The following ACOXL variants were observed in gnomAD, a reference collection of about 807,000 sequenced individuals.
The protein encoded by ACOXL is acyl-coenzyme A oxidase-like protein.
ACOXL carries 70 observed loss-of-function variants against 71.9 expected under a neutral mutation model. That is an observed-to-expected ratio of 0.97 (90% CI 0.80 to 1.19). The LOEUF (loss-of-function observed/expected upper bound fraction) is 1.19. Among genes scored for constraint, ACOXL ranks in the 50% most tolerant of loss-of-function variants. The pLI is 0.00. For missense variants in ACOXL, 703 were observed against 736.3 expected (o/e 0.95, Z 0.52); for synonymous variants, 253 against 281.6 (o/e 0.90, Z 1.02).
At chr2:110,800,927 C>G (rs1007910962) in intron 7 of ACOXL, among the ~76,000 whole-genome samples, 1 of 152,212 alleles carries the variant, frequency 6.6e-6, no homozygotes, top group African/African-American at 2.4e-5. Context: ...GGCAGAAAGT[C>G]TGCTCTGGTG....
intron 2 of ACOXL, among the ~76,000 whole-genome samples, chr2:110,770,779 C>T (rs1355372560): frequency 3.3e-5 from 5 of 152,230 alleles, no homozygotes; most frequent in Non-Finnish European, 7.3e-5. Flanking sequence ...AAATCTTGGC[C>T]TGTGGCCAGC....
intron 1 of ACOXL, among the ~76,000 whole-genome samples, chr2:110,742,782 A>G (rs1183577113): frequency 3.9e-5 from 6 of 152,238 alleles, no homozygotes; most frequent in African/African-American, 1.2e-4. Flanking sequence ...CTGAAACTGT[A>G]GATCTACTAG....
At chr2:111,012,778 A>G (rs1185033884) in intron 14 of ACOXL, among the ~76,000 whole-genome samples, 1 of 152,196 alleles carries the variant, frequency 6.6e-6, no homozygotes, top group Non-Finnish European at 1.5e-5. Context: ...CAACATACTA[A>G]ATTTTGTGAG....
intron 14 of ACOXL, among the ~76,000 whole-genome samples, chr2:111,025,048 T>C (rs1050048423): frequency 1.3e-5 from 2 of 152,062 alleles, no homozygotes; most frequent in African/African-American, 4.8e-5. Context: ...CAAAGTTCCT[T>C]TGTGCAACTT....
intron 14 of ACOXL, among the ~76,000 whole-genome samples, chr2:111,003,913 A>C (rs1036397837): frequency 4.6e-5 from 7 of 152,204 alleles, no homozygotes; most frequent in African/African-American, 1.7e-4. Context: ...AAAATAAAAG[A>C]TATGATAAAT....
chr2:110,908,736 T>C (rs2059546537), intron 10 of ACOXL, 53 bp from the exon 11 acceptor site: 6 of 1,410,484 alleles, frequency 4.3e-6, no homozygotes, highest in South Asian at 3.5e-5. Context: ...GGAAATGAAG[T>C]TACCTCCCGC....
chr2:110,793,289 G>A (rs547891293), intron 3 of ACOXL, among the ~76,000 whole-genome samples: 3 of 152,268 alleles, frequency 2.0e-5, no homozygotes, highest in African/African-American at 7.2e-5. Context: ...GGTCAGCATC[G>A]AGGGTCATTG....
chr2:110,947,313 C>G (rs181851037), intron 12 of ACOXL, among the ~76,000 whole-genome samples: 1 of 152,260 alleles, frequency 6.6e-6, no homozygotes, highest in African/African-American at 2.4e-5. Flanking sequence ...TTCTAAAATC[C>G]TGAGAGAATA....
At chr2:110,943,464 T>C (rs1361677392) in intron 12 of ACOXL, among the ~76,000 whole-genome samples, 1 of 152,086 alleles carries the variant, frequency 6.6e-6, no homozygotes, top group Admixed American at 6.5e-5. Flanking sequence ...CACGGTGATA[T>C]GGTGAAGCTA....
chr2:111,101,891 T>A (rs2069189904), intron 17 of ACOXL: 2 of 152,622 alleles, frequency 1.3e-5, no homozygotes, highest in African/African-American at 2.4e-5. Context: ...AATGGAGTGA[T>A]CATACCGGAA....
chr2:111,095,184 T>A (rs761613013), intron 17 of ACOXL, among the ~76,000 whole-genome samples: 1 of 143,784 alleles, frequency 7.0e-6, no homozygotes, highest in Non-Finnish European at 1.5e-5. Context: ...ACAAAGAGAG[T>A]GCCCACTTTG....
intron 17 of ACOXL, among the ~76,000 whole-genome samples, chr2:111,107,779 C>T (rs1391640094): frequency 1.3e-5 from 2 of 152,334 alleles, no homozygotes; most frequent in East Asian, 1.9e-4. Context: ...TGAGTCACCA[C>T]GCCCGGCCTT....
chr2:110,915,566 G>A (rs1331184649), intron 11 of ACOXL, among the ~76,000 whole-genome samples: 1 of 151,040 alleles, frequency 6.6e-6, no homozygotes, highest in East Asian at 1.9e-4. Flanking sequence ...TGGGATTACA[G>A]GCAACTGCAA....
chr2:110,760,485 A>C (rs1680258441), intron 1 of ACOXL, among the ~76,000 whole-genome samples: 1 of 152,168 alleles, frequency 6.6e-6, no homozygotes, highest in African/African-American at 2.4e-5. Flanking sequence ...GTGGCTCAAA[A>C]TGACAGTTGT....
At position 110,999,143 on chromosome 2, in the gene ACOXL, G is replaced by A. The variant is rs146799682; in HGVS notation, c.1281+3139G>A. ...TGGGGGCTGGAAGTTCAAGATCAAGGTTCCCAAAGGGTTGGTTTTCTTTGA... is the reference window on the plus strand; with the variant it reads ...TGGGGGCTGGAAGTTCAAGATCAAGATTCCCAAAGGGTTGGTTTTCTTTGA... On this transcript the variant is annotated intron_variant, in intron 14 of 17. Transcript: ENST00000439055. Among the ~76,000 whole-genome samples the A allele has an allele frequency of 4.5e-4, 68 of 152,246 alleles. 2 individuals carry two copies. In the South Asian group the frequency reaches 9.5e-3, roughly 21 times the overall value.
At chr2:111,112,048 T>C (rs1247244217) in intron 17 of ACOXL, among the ~76,000 whole-genome samples, 1 of 152,172 alleles carries the variant, frequency 6.6e-6, no homozygotes, top group Non-Finnish European at 1.5e-5. Context: ...TAAACAAAAG[T>C]GATTTTGTTG....
chr2:111,047,775 A>G (rs766271816), intron 15 of ACOXL, among the ~76,000 whole-genome samples: 1 of 152,258 alleles, frequency 6.6e-6, no homozygotes, highest in Non-Finnish European at 1.5e-5. Context: ...GTTTCTGCCA[A>G]TTGAAGACTG....
chr2:111,044,736 TG>T (rs1382385374), intron 15 of ACOXL, among the ~76,000 whole-genome samples: 1 of 152,222 alleles, frequency 6.6e-6, no homozygotes, highest in African/African-American at 2.4e-5. Context: ...ACCATTTCCT[TG>T]GGTGTTAGGT....
At chr2:110,937,101 G>A (rs1458923883) in intron 12 of ACOXL, among the ~76,000 whole-genome samples, 10 of 152,136 alleles carry the variant, frequency 6.6e-5, no homozygotes, top group Admixed American at 5.9e-4. Context: ...AGGCTTCATC[G>A]CATAGGCATG....
Sources: allele counts gnomAD v4.1 joint callset (sites outside exome capture counted in the v4.1 genomes callset), GRCh38; gene constraint gnomAD v4.1.1; transcripts MANE v1.5; gene names NCBI Gene and HGNC (gene_info 2026-07-23, HGNC 2026-07-21).